The following CHORDC1 variants were observed in gnomAD, a reference collection of about 807,000 sequenced individuals.
The protein encoded by CHORDC1 is cysteine and histidine rich domain containing 1.
In CHORDC1, 25 loss-of-function variants were observed where a neutral mutation model predicts 48.3. The observed-to-expected ratio is 0.52, with a 90% CI of 0.38 to 0.72. The LOEUF (loss-of-function observed/expected upper bound fraction) is 0.72, where lower values mean the gene tolerates loss of function less well. Ranked by LOEUF, CHORDC1 falls within the 30% of genes least tolerant of loss-of-function variation. The pLI is 0.00. For missense variants in CHORDC1, 317 were observed against 388.7 expected (o/e 0.82, Z 1.55); for synonymous variants, 128 against 126.4 (o/e 1.01, Z -0.09).
Position 90,205,655 on chromosome 11 carries a change from A to G in CHORDC1, c.564-90T>C, listed in dbSNP as rs1027804098. Reference sequence around the variant, plus strand: ...TTAGGGATAAATCTGATTTTTAATAAGCCAGTAAGTGTACAAACTCTAGCA... The same window carrying G: ...TTAGGGATAAATCTGATTTTTAATAGGCCAGTAAGTGTACAAACTCTAGCA... On this transcript the variant is annotated intron_variant, in intron 7 of 10. Coordinates refer to ENST00000320585, the MANE Select transcript of CHORDC1 (RefSeq NM_012124.3). 3.8e-6 allele frequency: 3 copies of G among 787,738 alleles called. No individual in the cohort carries two copies. The African/African-American group carries it at 5.2e-5, about 14-fold the overall frequency. The allele number at this position is 787,738 out of a possible 1,614,324, so 48.8% of individuals were successfully genotyped here.
intron 5 of CHORDC1, 49 bp from the exon 6 acceptor site, chr11:90,210,643 G>T: frequency 8.4e-7 from 1 of 1,189,128 alleles, no homozygotes; most frequent in Non-Finnish European, 1.2e-6. Flanking sequence ...ATAGAACTTC[G>T]CTGTGGCATC....
intron 4 of CHORDC1, chr11:90,211,630 A>G (rs1857862921): frequency 4.0e-6 from 1 of 249,798 alleles, no homozygotes; most frequent in African/African-American, 2.4e-5. Flanking sequence ...AAGATGAGTA[A>G]TGCTGAGGAA....
In CHORDC1 at chr11:90,202,112, C is replaced by G. The variant is rs1678874663; in HGVS notation, c.*293G>C. 1.2e-5 allele frequency: 3 copies of G among 256,220 alleles called. No individual in the cohort carries two copies. The highest frequency in any genetic ancestry group is 6.6e-5 in the African/African-American group (3 of 45,202). The allele number at this position is 256,220 out of a possible 1,614,324, so 15.9% of individuals were successfully genotyped here. A position where few individuals can be genotyped will look rare whatever the true frequency, so the allele number is the denominator to read the frequency against. On this transcript the variant is annotated 3_prime_UTR_variant, in exon 11 of 11. Coordinates refer to ENST00000320585, the MANE Select transcript of CHORDC1 (RefSeq NM_012124.3). ...TATTTCTTTGCTTAACAGAGAAATACAAAGAAATACTGCAATTATGGTTAT... is the reference window on the plus strand; with the variant it reads ...TATTTCTTTGCTTAACAGAGAAATAGAAAGAAATACTGCAATTATGGTTAT...
chr11:90,202,032 A>G lies in CHORDC1; in HGVS notation c.*373T>C, dbSNP rs1364979036. ...AAAACTGATTAAAATTTGACATTTC[A>G]TCTTGCTTTACTAATTATGGAATAA... On this transcript the variant is annotated 3_prime_UTR_variant, in exon 11 of 11. Transcript: ENST00000320585. 1 of 157,888 alleles carries G rather than the reference A, an allele frequency of 6.3e-6. No homozygotes were observed. 9.8% of individuals were successfully genotyped at this position (157,888 alleles called of 1,614,324 possible).
intron 4 of CHORDC1, 95 bp from the exon 5 acceptor site, chr11:90,211,413 A>C (rs1857856365): frequency 1.3e-6 from 1 of 772,496 alleles, no homozygotes; most frequent in South Asian, 1.5e-5. Context: ...TGAGAAGCCA[A>C]ATGCTTTGTG....
intron 1 of CHORDC1, among the ~76,000 whole-genome samples, chr11:90,221,280 G>A (rs1403749487): frequency 6.6e-6 from 1 of 151,962 alleles, no homozygotes; most frequent in African/African-American, 2.4e-5. Flanking sequence ...CTCCTACTCC[G>A]TATCTCCATT....
At chr11:90,207,132 C>A in intron 6 of CHORDC1, 1 of 202,704 alleles carries the variant, frequency 4.9e-6, no homozygotes, top group Non-Finnish European at 1.0e-5. Flanking sequence ...ATCTCCTCTC[C>A]CTCCACCCAT....
intron 8 of CHORDC1, among the ~76,000 whole-genome samples, chr11:90,205,014 TG>T (rs1474073468): frequency 1.3e-5 from 2 of 152,042 alleles, no homozygotes; most frequent in Non-Finnish European, 2.9e-5. Flanking sequence ...GAAACAAGAC[TG>T]CAATCCTCCT....
chr11:90,213,938 TG>T, intron 4 of CHORDC1, 79 bp downstream of exon 4: 10 of 1,214,856 alleles, frequency 8.2e-6, no homozygotes, highest in Non-Finnish European at 1.2e-5. Flanking sequence ...AATGGTATCA[TG>T]CTAAATCATA....
intron 5 of CHORDC1, 191 bp downstream of exon 5, chr11:90,211,024 A>C (rs936674233): frequency 7.3e-5 from 29 of 395,022 alleles, no homozygotes; most frequent in Middle Eastern, 7.2e-4. Flanking sequence ...TTGAATAAAG[A>C]CATATGGAAT....
intron 8 of CHORDC1, 123 bp downstream of exon 8, chr11:90,205,337 A>C (rs1385555620): frequency 7.4e-6 from 5 of 674,504 alleles, no homozygotes; most frequent in African/African-American, 1.9e-5. Flanking sequence ...AGTCACATCA[A>C]AGCTCTATGG....
intron 1 of CHORDC1, among the ~76,000 whole-genome samples, chr11:90,220,467 G>A (rs145173574): frequency 6.4e-4 from 98 of 152,308 alleles, no homozygotes; most frequent in South Asian, 1.5e-3. Flanking sequence ...AATGGAAGTA[G>A]AGAATAGATC....
At chr11:90,218,076 A>G (rs1240737719) in intron 2 of CHORDC1, 59 bp downstream of exon 2, 1 of 1,191,144 alleles carries the variant, frequency 8.4e-7, no homozygotes, top group Non-Finnish European at 1.2e-6. Context: ...ATAAAGATTT[A>G]GTATTACATC....
chr11:90,214,273 T>C (rs1488555052), intron 3 of CHORDC1, 98 bp from the exon 4 acceptor site: 2 of 958,728 alleles, frequency 2.1e-6, no homozygotes, highest in East Asian at 5.6e-5. Context: ...TTCTATTTCA[T>C]GTTTTCTCCA....
chr11:90,217,126 T>C (rs1858032580), intron 2 of CHORDC1, among the ~76,000 whole-genome samples: 1 of 152,228 alleles, frequency 6.6e-6, no homozygotes, highest in Admixed American at 6.5e-5. Flanking sequence ...CTTCTCTGTT[T>C]TCCTCACTCA....
At chr11:90,216,570 T>C in intron 2 of CHORDC1, 1 of 438,990 alleles carries the variant, frequency 2.3e-6, no homozygotes, top group Non-Finnish European at 4.5e-6. Context: ...GAAATGGTTA[T>C]AAAATAGAGA....
chr11:90,222,920 T>G lies in CHORDC1; in HGVS notation c.35A>C (p.Gln12Pro). The part of the protein sequence containing the change: ...ALLCYNRGCG[Q>P]RFDPETNSDD... ...GGAATTGGTCTCAGGATCGAAGCGCTGACCGCAGCCCCGGTTGTAGCACAG... is the reference window on the plus strand; with the variant it reads ...GGAATTGGTCTCAGGATCGAAGCGCGGACCGCAGCCCCGGTTGTAGCACAG... Residue 12 changes from glutamine (Q) to proline (P), a missense_variant, in exon 1 of 11, where the codon CAG becomes CCG. Physicochemically the swap from Gln to Pro is moderately conservative, Grantham distance 76. Transcript: ENST00000320585. 1.9e-6 allele frequency: 3 copies of G among 1,614,130 alleles called. No individual in the cohort carries two copies. The highest frequency in any genetic ancestry group is 1.1e-5 in the South Asian group (1 of 91,084).
chr11:90,205,309 A>G, intron 8 of CHORDC1, 151 bp downstream of exon 8: 1 of 612,448 alleles, frequency 1.6e-6, no homozygotes, highest in Non-Finnish European at 2.9e-6. Context: ...AGCTTGACTC[A>G]GATTCATTTT....
At position 90,200,876 on chromosome 11, in the gene CHORDC1, TG is replaced by T. The variant is rs1857529388; in HGVS notation, c.*1528del. 6.6e-6 allele frequency among the ~76,000 whole-genome samples: 1 copy of T among 151,994 alleles called. No homozygotes were observed. Among genetic ancestry groups the T allele is most frequent in the African/African-American group, 2.4e-5 (1 of 41,444 alleles). On this transcript the variant is annotated 3_prime_UTR_variant, in exon 11 of 11. Transcript: ENST00000320585. The stretch of plus-strand genomic sequence containing the variant: ...CCCATAAAGACTTCATGTCTCTAAA[TG>T]GTTCCTAAATCATGGAAGATAACTT...
Sources: gnomAD v4.1 joint callset for allele counts (sites outside exome capture counted in the v4.1 genomes callset) on GRCh38, gnomAD v4.1.1 for gene constraint, MANE v1.5 for transcripts, NCBI Gene and HGNC (gene_info 2026-07-23, HGNC 2026-07-21) for gene names.